Variants in NOS1 observed in about 807,000 individuals in gnomAD.
The protein encoded by NOS1 is NOS type I.
Under a neutral mutation model 164.5 loss-of-function variants are expected in NOS1, and 51 were observed. The ratio of observed to expected loss-of-function variants is 0.31; its 90% CI spans 0.25 to 0.39. NOS1 has a LOEUF of 0.39. Among genes scored for constraint, NOS1 ranks in the 10% least tolerant of loss-of-function variants. NOS1 has a pLI of 1.00. For synonymous variants in NOS1, 719 were observed against 745.8 expected, an observed-to-expected ratio of 0.96 and a Z score of 0.59; for missense variants, 1,362 against 1,885.6, an observed-to-expected ratio of 0.72 and a Z score of 5.14.
At chr12:117,301,418 A>C (rs964722952) in intron 3 of NOS1, among the ~76,000 whole-genome samples, 1 of 152,146 alleles carries the variant, frequency 6.6e-6, no homozygotes, top group Non-Finnish European at 1.5e-5. Flanking sequence ...CATGAGCTAC[A>C]CCTGGCCTTC....
intron 8 of NOS1, among the ~76,000 whole-genome samples, chr12:117,278,532 G>T (rs905100630): frequency 2.0e-5 from 3 of 152,044 alleles, no homozygotes; most frequent in Non-Finnish European, 4.4e-5. Context: ...ATAATATAAG[G>T]TATTGTAAGA....
intron 25 of NOS1, 134 bp downstream of exon 25, chr12:117,224,882 C>G (rs1868513972): frequency 2.6e-6 from 3 of 1,168,140 alleles, no homozygotes; most frequent in Non-Finnish European, 3.8e-6. Flanking sequence ...CAGGCTGGTG[C>G]TACACGCCCC....
At chr12:117,268,869 T>A (rs530748675) in intron 10 of NOS1, among the ~76,000 whole-genome samples, 1 of 152,228 alleles carries the variant, frequency 6.6e-6, no homozygotes, top group African/African-American at 2.4e-5. Flanking sequence ...AGTGCTGGGA[T>A]TACAGGCGTG....
At chr12:117,262,838 T>C (rs1329560513) in intron 13 of NOS1, among the ~76,000 whole-genome samples, 1 of 152,094 alleles carries the variant, frequency 6.6e-6, no homozygotes, top group African/African-American at 2.4e-5. Flanking sequence ...TGTCAGCTGG[T>C]CCTCTGGCTG....
At chr12:117,250,097 G>A (rs1234416513) in intron 17 of NOS1, among the ~76,000 whole-genome samples, 3 of 152,110 alleles carry the variant, frequency 2.0e-5, no homozygotes, top group Admixed American at 6.5e-5. Flanking sequence ...TGGGAAGGAA[G>A]GAAGAAGGTA....
intron 2 of NOS1, among the ~76,000 whole-genome samples, chr12:117,315,494 A>G (rs538110216): frequency 6.6e-5 from 10 of 152,354 alleles, no homozygotes; most frequent in African/African-American, 2.4e-4. Flanking sequence ...ACCATGAGAA[A>G]CATCCAGGTT....
rs758246072 is a variant in NOS1 at position 117,330,401 on chromosome 12, G to T, written c.669C>A (p.Val223=). 1.2e-6 allele frequency: 2 copies of T among 1,613,730 alleles called. No homozygotes were observed. Among genetic ancestry groups the T allele is most frequent in the Non-Finnish European group, 1.7e-6 (2 of 1,179,980 alleles). ...LSLLTSGSRG[V]KGGAPAKAEM... The stretch of plus-strand genomic sequence containing the variant: ...CTGCCTTGGCAGGTGCCCCTCCCTT[G>T]ACCCCTCTGCTCCCACTGGTGAGAA... Residue 223 remains valine, a synonymous_variant, in exon 2 of 29, where the codon GTC becomes GTA. Coordinates refer to ENST00000317775, the MANE Select transcript of NOS1 (RefSeq NM_000620.5). This position sits in a 1 kb window ranked among gnomAD's most constrained non-coding sequence, Gnocchi z 4.6.
chr12:117,246,632 T>C (rs1194842166), intron 18 of NOS1, among the ~76,000 whole-genome samples: 1 of 152,166 alleles, frequency 6.6e-6, no homozygotes, highest in Admixed American at 6.6e-5. Context: ...GTCACTTCCA[T>C]TTCCCATCCC....
At chr12:117,326,241 C>T (rs1875238364) in intron 2 of NOS1, among the ~76,000 whole-genome samples, 1 of 152,068 alleles carries the variant, frequency 6.6e-6, no homozygotes, top group Non-Finnish European at 1.5e-5. Flanking sequence ...CAAAAATTAG[C>T]CAGGCGTGGT....
intron 17 of NOS1, among the ~76,000 whole-genome samples, chr12:117,249,861 G>T (rs970948530): frequency 1.3e-5 from 2 of 152,250 alleles, no homozygotes; most frequent in Middle Eastern, 3.4e-3. Context: ...CCAGAACTTG[G>T]TCTTGGCTGT....
intron 2 of NOS1, among the ~76,000 whole-genome samples, 156 bp from the exon 3 acceptor site, chr12:117,311,748 A>G (rs1024636858): frequency 3.3e-5 from 5 of 152,200 alleles, no homozygotes; most frequent in African/African-American, 1.2e-4. Context: ...CTGCTGCTTC[A>G]TAAAGACGGA....
chr12:117,358,192 A>G (rs1468396947), intron 1 of NOS1, among the ~76,000 whole-genome samples: 1 of 152,150 alleles, frequency 6.6e-6, no homozygotes, highest in African/African-American at 2.4e-5. Context: ...TTGACCTCCA[A>G]ATCTTCCTGC....
chr12:117,243,548 A>AT lies in NOS1; in HGVS notation c.2824-114_2824-113insA, dbSNP rs1555250838. 1.9e-5 allele frequency: 11 copies of AT among 587,846 alleles called. No individual in the cohort carries two copies. Among genetic ancestry groups the AT allele is most frequent in the Middle Eastern group, 4.7e-4 (1 of 2,136 alleles). 36.4% of individuals were successfully genotyped at this position (587,846 alleles called of 1,614,324 possible). A position where few individuals can be genotyped will look rare whatever the true frequency, so the allele number is the denominator to read the frequency against. ...ATTCACCCATCCATCCATCTATCCA[A>AT]CCATCCATCCATCCATCCATCCATC... On this transcript the variant is annotated intron_variant, in intron 18 of 28. Coordinates refer to ENST00000317775, the MANE Select transcript of NOS1 (RefSeq NM_000620.5). This position sits in a 1 kb window ranked among gnomAD's most constrained non-coding sequence, Gnocchi z 4.3.
intron 21 of NOS1, among the ~76,000 whole-genome samples, chr12:117,233,808 C>CA (rs374050465): frequency 0.089 from 4,978 of 56,222 alleles, 281 homozygotes; most frequent in African/African-American, 0.18. Context: ...AAGTCTGTCT[C>CA]AAAAAAAAAA....
At chr12:117,230,375 T>C (rs1373207865) in intron 22 of NOS1, among the ~76,000 whole-genome samples, 2 of 152,260 alleles carry the variant, frequency 1.3e-5, no homozygotes, top group East Asian at 3.8e-4. Context: ...GTAAAGCTTA[T>C]GATTAAAAAT....
chr12:117,220,363 G>T, intron 26 of NOS1, 94 bp from the exon 27 acceptor site: 1 of 1,260,986 alleles, frequency 7.9e-7, no homozygotes, highest in Non-Finnish European at 1.1e-6. Flanking sequence ...TGACTCAGGG[G>T]CTTGTGGGCA....
rs1956495868 is a variant in NOS1 at position 117,209,508 on chromosome 12, A to AT, written c.*5800dup. On this transcript the variant is annotated 3_prime_UTR_variant, in exon 29 of 29. Transcript: ENST00000317775. ...TACAGGAAGCAGTGCATGGAGGCAGATTTGTTCCCGCCTGCCAGGGCCATC... is the reference window on the plus strand; with the variant it reads ...TACAGGAAGCAGTGCATGGAGGCAGATTTTGTTCCCGCCTGCCAGGGCCATC... The AT allele has an allele frequency of 1.0e-6, 1 of 985,370 alleles. No homozygotes were observed. Among genetic ancestry groups the AT allele is most frequent in the Non-Finnish European group, 1.2e-6 (1 of 829,970 alleles). 61.0% of individuals were successfully genotyped at this position (985,370 alleles called of 1,614,324 possible).
intron 9 of NOS1, among the ~76,000 whole-genome samples, chr12:117,277,386 A>G (rs1165317977): frequency 1.3e-5 from 2 of 151,504 alleles, no homozygotes; most frequent in African/African-American, 2.4e-5. Context: ...GGAGTCCAAG[A>G]CCAGCCTGGA....
In NOS1 at chr12:117,212,469, C is replaced by G; in HGVS notation, c.*2840G>C. The G allele has an allele frequency of 2.3e-5, 23 of 985,438 alleles. No homozygotes were observed. The highest frequency in any genetic ancestry group is 2.8e-5 in the Non-Finnish European group (23 of 829,954). The allele number at this position is 985,438 out of a possible 1,614,324, so 61.0% of individuals were successfully genotyped here. On this transcript the variant is annotated 3_prime_UTR_variant, in exon 29 of 29. Transcript: ENST00000317775. ...CCCTCTCTCCTCCCAAGGAGTTTAA[C>G]ATCATCTCTCTGCTCTTTCACGACA...
Sources: allele counts gnomAD v4.1 joint callset (sites outside exome capture counted in the v4.1 genomes callset), GRCh38; gene constraint gnomAD v4.1.1; non-coding constraint Gnocchi (gnomAD v3.1); transcripts MANE v1.5; gene names NCBI Gene and HGNC (gene_info 2026-07-23, HGNC 2026-07-21).